ZNF888: variants seen among roughly 807,000 people sequenced by gnomAD.
ZNF888 encodes the protein zinc finger protein 888, also known as CTD-2331H12.6.
A neutral mutation model predicts 7.2 loss-of-function variants in ZNF888; 5 were observed. The ratio of observed to expected loss-of-function variants is 0.70; its 90% CI spans 0.36 to 1.46. ZNF888 has a LOEUF of 1.46. Among genes scored for constraint, ZNF888 ranks in the 40% most tolerant of loss-of-function variants. The pLI, the probability that ZNF888 is intolerant of heterozygous loss-of-function variation, is 0.03. For synonymous variants in ZNF888, 240 were observed against 284.3 expected, an observed-to-expected ratio of 0.84 and a Z score of 1.57; for missense variants, 716 against 858.0, an observed-to-expected ratio of 0.83 and a Z score of 2.07.
intron 4 of ZNF888, 86 bp from the exon 5 acceptor site, chr19:52,908,265 T>C: frequency 7.7e-7 from 1 of 1,304,666 alleles, no homozygotes; most frequent in East Asian, 2.3e-5. Flanking sequence ...CCAAAAACAA[T>C]ACTTATTTTA....
Position 52,906,242 on chromosome 19 carries a change from CACT to C in ZNF888, c.2077_2079del (p.Ser693del), listed in dbSNP as rs140299094. ...TGTGCACGAAAGGCTTTGCCACACT[CACT>C]ACACTTGAAAGGTTTCTCTCCAGTA... is the stretch of plus-strand genomic sequence containing the variant. On this transcript the variant is annotated inframe_deletion, in exon 5 of 5. Coordinates refer to ENST00000638862, the MANE Select transcript of ZNF888 (RefSeq NM_001393938.1). The C allele has an allele frequency of 2.9e-3, 4,664 of 1,611,006 alleles. 119 individuals carry two copies. In the African/African-American group the frequency reaches 0.055, roughly 19 times the overall value.
rs1482291178 is a variant in ZNF888 at position 52,919,903 on chromosome 19, T to A, written c.-177-966A>T. Among the ~76,000 whole-genome samples the A allele has an allele frequency of 5.2e-5, 3 of 57,420 alleles. 1 individual carries two copies. The highest frequency in any genetic ancestry group is 1.2e-4 in the Non-Finnish European group (3 of 25,018). The allele number at this position is 57,420 out of a possible 152,430, so 37.7% of individuals were successfully genotyped here. On this transcript the variant is annotated intron_variant, in intron 1 of 4. Coordinates refer to ENST00000638862, the MANE Select transcript of ZNF888 (RefSeq NM_001393938.1). ...CCTGGCAACCGCCCCGTCTGAGAAG[T>A]GAGGAGCCCCTCCGTCCGGCAGCCA... is the stretch of plus-strand genomic sequence containing the variant.
intron 4 of ZNF888, among the ~76,000 whole-genome samples, chr19:52,914,110 G>C (rs2064716816): frequency 6.6e-6 from 1 of 152,238 alleles, no homozygotes; most frequent in African/African-American, 2.4e-5. Flanking sequence ...TGGCGACAGA[G>C]TGAGACTCTG....
chr19:52,921,305 A>T (rs10411365), intron 1 of ZNF888, among the ~76,000 whole-genome samples: 26,771 of 152,146 alleles, frequency 0.18, 2,919 homozygotes, highest in African/African-American at 0.3. Flanking sequence ...CAGTGAGGAG[A>T]TGGGCTTTTG....
chr19:52,909,908 T>C (rs1355475982), intron 4 of ZNF888, among the ~76,000 whole-genome samples: 2 of 152,000 alleles, frequency 1.3e-5, no homozygotes, highest in Non-Finnish European at 2.9e-5. Context: ...ATGCCTGTAA[T>C]CCCAGGACTT....
chr19:52,911,265 G>A (rs2064674441), intron 4 of ZNF888, among the ~76,000 whole-genome samples: 1 of 152,028 alleles, frequency 6.6e-6, no homozygotes, highest in African/African-American at 2.4e-5. Context: ...TGCCCACCTT[G>A]GTCTCCGAAA....
chr19:52,907,453 C>G lies in ZNF888; in HGVS notation c.869G>C (p.Arg290Thr). Reference protein sequence around the residue: ...NKKAYLARHYRRHTGEKPYKC... With the variant: ...NKKAYLARHYTRHTGEKPYKC... ...GTAAGGTTTTTCTCCAGTATGACGTCTATAATGACGTGCAAGGTATGCTTT... is the reference window on the plus strand; with the variant it reads ...GTAAGGTTTTTCTCCAGTATGACGTGTATAATGACGTGCAAGGTATGCTTT... Residue 290 changes from arginine to threonine, a missense_variant, in exon 5 of 5, where the codon AGA becomes ACA. Arg to Thr is a moderately conservative substitution (Grantham distance 71). Coordinates refer to ENST00000638862, the MANE Select transcript of ZNF888 (RefSeq NM_001393938.1). 1 of 1,608,872 alleles carries G rather than the reference C, an allele frequency of 6.2e-7. No homozygotes were observed. Among genetic ancestry groups the G allele is most frequent in the Non-Finnish European group, 8.5e-7 (1 of 1,177,596 alleles).
intron 1 of ZNF888, among the ~76,000 whole-genome samples, chr19:52,920,270 T>G (rs1340469591): frequency 1.6e-5 from 1 of 63,476 alleles, no homozygotes; most frequent in Non-Finnish European, 3.7e-5. Flanking sequence ...GGGGAAAAAA[T>G]TGAGAGGCCG....
Position 52,908,071 on chromosome 19 carries a change from C to A in ZNF888, c.251G>T (p.Cys84Phe). 6.2e-7 allele frequency: 1 copy of A among 1,614,136 alleles called. No homozygotes were observed. The highest frequency in any genetic ancestry group is 1.7e-5 in the Admixed American group (1 of 60,018). The stretch of plus-strand genomic sequence containing the variant: ...GTCTTTCTCAATTTCCTGGAAGCAA[C>A]ATTCTCCAATGTGATGACTTGCCAG... Reference protein sequence around the residue: ...QRLASHHIGECCFQEIEKDIH... With the variant: ...QRLASHHIGEFCFQEIEKDIH... Residue 84 changes from cysteine to phenylalanine, a missense_variant, in exon 5 of 5, where the codon TGT becomes TTT. This residue lies in a region of ZNF888 where 697 missense variants were observed against 803.4 expected (regional missense o/e 0.87). Transcript: ENST00000638862.
rs201549254 is a variant in ZNF888 at position 52,920,527 on chromosome 19, G to C, written c.-177-1590C>G. ...AAAAAAAAAAAAAAAGAAAAAAAAA[G>C]AAAAGGAAAAAAAAAAAAAAAAGGA... On this transcript the variant is annotated intron_variant, in intron 1 of 4. Coordinates refer to ENST00000638862, the MANE Select transcript of ZNF888 (RefSeq NM_001393938.1). Among the ~76,000 whole-genome samples, 4 of 18,248 alleles carry C rather than the reference G, an allele frequency of 2.2e-4. No individual in the cohort carries two copies. The East Asian group carries it at 2.6e-3, about 12-fold the overall frequency. The allele number at this position is 18,248 out of a possible 152,430, so 12.0% of individuals were successfully genotyped here. A position where few individuals can be genotyped will look rare whatever the true frequency, so the allele number is the denominator to read the frequency against.
Position 52,907,947 on chromosome 19 carries a change from A to G in ZNF888, c.375T>C (p.Tyr125=). 6.2e-7 allele frequency: 1 copy of G among 1,614,140 alleles called. No individual in the cohort carries two copies. The highest frequency in any genetic ancestry group is 8.5e-7 in the Non-Finnish European group (1 of 1,180,016). The change falls in exon 5 of 5, where the codon TAT becomes TAC. Residue 125 remains tyrosine, a synonymous_variant. Transcript: ENST00000638862. ...GCTTGTTTCCAGCATGCCTTTGATC[A>G]TATTGGTCTGTACTACCCGTCAACT... is the stretch of plus-strand genomic sequence containing the variant. ...IKELTGSTDQ[Y]DQRHAGNKPI... is the part of the protein sequence containing the mutation.
Position 52,905,665 on chromosome 19 carries a change from G to A in ZNF888, c.*500C>T, listed in dbSNP as rs751592918. 2.5e-6 allele frequency: 1 copy of A among 406,750 alleles called. No homozygotes were observed. Among genetic ancestry groups the A allele is most frequent in the Non-Finnish European group, 5.0e-6 (1 of 201,460 alleles). 25.2% of individuals were successfully genotyped at this position (406,750 alleles called of 1,614,324 possible). A position where few individuals can be genotyped will look rare whatever the true frequency, so the allele number is the denominator to read the frequency against. ...ATGTCAATTAATGCTTGAACTCAACGTTAAGTCAACTCAAACTCAAGTCAA... is the reference window on the plus strand; with the variant it reads ...ATGTCAATTAATGCTTGAACTCAACATTAAGTCAACTCAAACTCAAGTCAA... On this transcript the variant is annotated 3_prime_UTR_variant, in exon 5 of 5. Transcript: ENST00000638862.
rs185272814 is a variant in ZNF888 at position 52,912,320 on chromosome 19, A to T, written c.142+2876T>A. The stretch of plus-strand genomic sequence containing the variant: ...AGTAGAGATGGGGTTTCACCATGTT[A>T]GCCAGGATGGCCTCTATCTCCTGAC... On this transcript the variant is annotated intron_variant, in intron 4 of 4. Transcript: ENST00000638862. Among the ~76,000 whole-genome samples, 385 of 148,404 alleles carry T rather than the reference A, an allele frequency of 2.6e-3. 9 individuals are homozygous for T. The East Asian group carries it at 0.067, about 26-fold the overall frequency.
chr19:52,918,038 G>A (rs113000018), intron 2 of ZNF888, 107 bp from the exon 3 acceptor site: 21 of 1,475,252 alleles, frequency 1.4e-5, no homozygotes, highest in Middle Eastern at 3.6e-4. Context: ...CTCACCCTGG[G>A]AAATATGGTC....
chr19:52,921,791 G>C (rs931070829), intron 1 of ZNF888: 2 of 240,294 alleles, frequency 8.3e-6, no homozygotes, highest in African/African-American at 4.7e-5. Flanking sequence ...ATCCAGGCAT[G>C]GTGGCGAATG....
chr19:52,915,075 T>A, intron 4 of ZNF888, 121 bp downstream of exon 4: 1 of 1,443,252 alleles, frequency 6.9e-7, no homozygotes, highest in Non-Finnish European at 9.2e-7. Context: ...ATCATGAAGC[T>A]TTTCATTTCA....
In ZNF888 at chr19:52,910,057, G is replaced by A. The variant is rs146644296; in HGVS notation, c.143-1878C>T. On this transcript the variant is annotated intron_variant, in intron 4 of 4. Coordinates refer to ENST00000638862, the MANE Select transcript of ZNF888 (RefSeq NM_001393938.1). ...CCACTACTTGGGGGACCCGAGGCAG[G>A]AGAATCACTCGACCCTGGAAAGCGG... Among the ~76,000 whole-genome samples the A allele has an allele frequency of 6.3e-3, 916 of 146,270 alleles. 1 individual carries two copies. Among genetic ancestry groups the A allele is most frequent in the Middle Eastern group, 0.026 (7 of 268 alleles).
intron 1 of ZNF888, among the ~76,000 whole-genome samples, chr19:52,922,906 G>A (rs1441719609): frequency 1.9e-5 from 2 of 105,218 alleles, no homozygotes; most frequent in East Asian, 4.1e-4. Context: ...CCGGCATGAG[G>A]AGGGAGGTGG....
Position 52,907,097 on chromosome 19 carries a change from G to T in ZNF888, c.1225C>A (p.Pro409Thr). 1 of 1,611,556 alleles carries T rather than the reference G, an allele frequency of 6.2e-7. No individual in the cohort carries two copies. The highest frequency in any genetic ancestry group is 1.3e-5 in the African/African-American group (1 of 74,244). Residue 409 changes from proline (P) to threonine (T), a missense_variant, in exon 5 of 5, where the codon CCT becomes ACT. Transcript: ENST00000638862. Reference sequence around the variant, plus strand: ...TTGCCACACTCATTACACTTGTAAGGTTTCTCTCTAGTGTGAATTACAATA... The same window carrying T: ...TTGCCACACTCATTACACTTGTAAGTTTTCTCTCTAGTGTGAATTACAATA... Reference protein sequence around the residue: ...QHIVIHTREKPYKCNECGKTF... With the variant: ...QHIVIHTREKTYKCNECGKTF...
Sources: gnomAD v4.1 joint callset for allele counts (sites outside exome capture counted in the v4.1 genomes callset) on GRCh38, gnomAD v4.1.1 for gene constraint, gnomAD v4.1.1 regional missense constraint, MANE v1.5 for transcripts, NCBI Gene and HGNC (gene_info 2026-07-23, HGNC 2026-07-21) for gene names.